PRKCB: variants seen among roughly 807,000 people sequenced by gnomAD.
The protein encoded by PRKCB is protein kinase C beta type.
PRKCB carries 13 observed loss-of-function variants against 81.5 expected under a neutral mutation model. That is an observed-to-expected ratio of 0.16 (90% CI 0.10 to 0.25). PRKCB has a LOEUF of 0.25. Among genes scored for constraint, PRKCB ranks in the 10% least tolerant of loss-of-function variants. The pLI is 1.00. For missense variants in PRKCB, 509 were observed against 875.7 expected (o/e 0.58, Z 5.29); for synonymous variants, 335 against 321.4 (o/e 1.04, Z -0.45).
chr16:23,856,935 T>C (rs1035394945), intron 2 of PRKCB, among the ~76,000 whole-genome samples: 1 of 152,108 alleles, frequency 6.6e-6, no homozygotes, highest in African/African-American at 2.4e-5. Flanking sequence ...AATATCACTG[T>C]GAAATATATA....
intron 2 of PRKCB, among the ~76,000 whole-genome samples, chr16:23,913,264 A>G (rs1963689380): frequency 6.6e-6 from 1 of 152,004 alleles, no homozygotes; most frequent in African/African-American, 2.4e-5. Context: ...GGGAGACCCA[A>G]CTGTCTTCCA....
chr16:23,946,348 C>A (rs979852327), intron 2 of PRKCB, among the ~76,000 whole-genome samples: 1 of 152,096 alleles, frequency 6.6e-6, no homozygotes, highest in Admixed American at 6.5e-5. Context: ...CACCAGGTAC[C>A]CTGAAGTGGT....
chr16:24,094,280 A>G lies in PRKCB; in HGVS notation c.804A>G (p.Lys268=). Residue 268 remains lysine, a synonymous_variant, in exon 7 of 17, where the codon AAA becomes AAG. Transcript: ENST00000643927. ...SLSFGISELQ[K]ASVDGWFKLL... Reference sequence around the variant, plus strand: ...CCTTTGGGATTTCTGAACTTCAGAAAGCCAGTGTTGATGGCTGGTAAGTAA... The same window carrying G: ...CCTTTGGGATTTCTGAACTTCAGAAGGCCAGTGTTGATGGCTGGTAAGTAA... The G allele has an allele frequency of 1.9e-6, 3 of 1,614,200 alleles. No homozygotes were observed. Among genetic ancestry groups the G allele is most frequent in the Non-Finnish European group, 2.5e-6 (3 of 1,180,018 alleles).
At chr16:23,892,259 G>T (rs1216067745) in intron 2 of PRKCB, among the ~76,000 whole-genome samples, 1 of 152,094 alleles carries the variant, frequency 6.6e-6, no homozygotes, top group Admixed American at 6.6e-5. Context: ...GTCTCAATTA[G>T]AATGTTATGA....
In PRKCB at chr16:24,216,111, C is replaced by T. The variant is rs1049590106; in HGVS notation, c.*1295C>T. 11 of 985,194 alleles carry T rather than the reference C, an allele frequency of 1.1e-5. No homozygotes were observed. Among genetic ancestry groups the T allele is most frequent in the Admixed American group, 6.2e-5 (1 of 16,242 alleles). 61.0% of individuals were successfully genotyped at this position (985,194 alleles called of 1,614,324 possible). A position where few individuals can be genotyped will look rare whatever the true frequency, so the allele number is the denominator to read the frequency against. On this transcript the variant is annotated 3_prime_UTR_variant, in exon 17 of 17. Coordinates refer to ENST00000643927, the MANE Select transcript of PRKCB (RefSeq NM_002738.7). Reference sequence around the variant, plus strand: ...GAACTCAGGAGAAAGGAACTAACTGCGGAGCTTTAATCTTGGCCCCAGTGT... The same window carrying T: ...GAACTCAGGAGAAAGGAACTAACTGTGGAGCTTTAATCTTGGCCCCAGTGT...
At chr16:23,934,015 A>G (rs974891080) in intron 2 of PRKCB, among the ~76,000 whole-genome samples, 2 of 105,998 alleles carry the variant, frequency 1.9e-5, no homozygotes, top group Admixed American at 1.2e-4. Flanking sequence ...TTGATTTTCT[A>G]CCCACTCATC....
Position 23,904,695 on chromosome 16 carries a change from CA to C in PRKCB, c.205+67291del, listed in dbSNP as rs1310435085. On this transcript the variant is annotated intron_variant, in intron 2 of 16. Transcript: ENST00000643927. ...CAACAACAACAACAACAAAAAACCACAACACTTAGAAGAGTATCTAGCATAT... is the reference window on the plus strand; with the variant it reads ...CAACAACAACAACAACAAAAAACCACACACTTAGAAGAGTATCTAGCATAT... Among the ~76,000 whole-genome samples the C allele has an allele frequency of 2.0e-5, 3 of 152,144 alleles. No homozygotes were observed. The East Asian group carries it at 5.8e-4, about 29-fold the overall frequency.
intron 16 of PRKCB, among the ~76,000 whole-genome samples, chr16:24,200,427 C>T (rs1967940335): frequency 1.3e-5 from 2 of 152,154 alleles, no homozygotes; most frequent in African/African-American, 4.8e-5. Flanking sequence ...AACCAGGCTC[C>T]CTTTAGATGG....
intron 2 of PRKCB, among the ~76,000 whole-genome samples, chr16:23,888,087 A>G (rs1006156001): frequency 6.6e-6 from 1 of 152,222 alleles, no homozygotes; most frequent in Non-Finnish European, 1.5e-5. Flanking sequence ...TAGCGCATCA[A>G]GTCCCCTTCT....
intron 3 of PRKCB, among the ~76,000 whole-genome samples, chr16:23,993,164 G>T (rs1964910858): frequency 6.6e-6 from 1 of 152,080 alleles, no homozygotes; most frequent in African/African-American, 2.4e-5. Flanking sequence ...TACCCCAAAA[G>T]AACTATTTGA....
At chr16:23,874,518 C>T (rs1384400616) in intron 2 of PRKCB, among the ~76,000 whole-genome samples, 1 of 149,886 alleles carries the variant, frequency 6.7e-6, no homozygotes, top group Non-Finnish European at 1.5e-5. Flanking sequence ...TTGAAACATA[C>T]TTATTTTTTG....
chr16:23,974,883 G>C (rs1306762173), intron 2 of PRKCB, among the ~76,000 whole-genome samples: 1 of 152,184 alleles, frequency 6.6e-6, no homozygotes, highest in Non-Finnish European at 1.5e-5. Context: ...GGAGGAATCA[G>C]CTCCAGCTGT....
At chr16:23,950,138 T>TG (rs1964259043) in intron 2 of PRKCB, among the ~76,000 whole-genome samples, 3 of 141,934 alleles carry the variant, frequency 2.1e-5, no homozygotes, top group East Asian at 2.1e-4. Context: ...TTGAATTTTT[T>TG]TTTTTTTTTT....
chr16:24,011,259 T>C (rs1254751716), intron 3 of PRKCB, among the ~76,000 whole-genome samples: 1 of 152,204 alleles, frequency 6.6e-6, no homozygotes, highest in Non-Finnish European at 1.5e-5. Flanking sequence ...TTTCTATCTA[T>C]TGAAAAGCAT....
At chr16:23,943,939 C>T (rs768683350) in intron 2 of PRKCB, among the ~76,000 whole-genome samples, 4 of 152,186 alleles carry the variant, frequency 2.6e-5, no homozygotes, top group African/African-American at 9.7e-5. Context: ...CTTTGCCTCG[C>T]GTGCTCCTGG....
At chr16:24,010,916 G>C (rs1352082676) in intron 3 of PRKCB, among the ~76,000 whole-genome samples, 1 of 152,004 alleles carries the variant, frequency 6.6e-6, no homozygotes, top group Non-Finnish European at 1.5e-5. Flanking sequence ...TTGCCTACGA[G>C]TGCAATGGTA....
chr16:23,909,539 A>T (rs1396590429), intron 2 of PRKCB, among the ~76,000 whole-genome samples: 1 of 152,184 alleles, frequency 6.6e-6, no homozygotes, highest in Non-Finnish European at 1.5e-5. Flanking sequence ...ATGGTGGTGA[A>T]GTCTGAGCTT....
intron 5 of PRKCB, among the ~76,000 whole-genome samples, chr16:24,073,683 CTAAGCCA>C (rs1199806442): frequency 3.9e-5 from 6 of 152,184 alleles, no homozygotes; most frequent in Non-Finnish European, 8.8e-5. Context: ...CCCCTAGCCC[CTAAGCCA>C]TGTTTTTAAC....
intron 2 of PRKCB, among the ~76,000 whole-genome samples, chr16:23,963,980 A>G (rs1964456597): frequency 6.6e-6 from 1 of 152,184 alleles, no homozygotes; most frequent in African/African-American, 2.4e-5. Flanking sequence ...GGTGTCTACC[A>G]TGGACAGTAG....
Sources: allele counts gnomAD v4.1 joint callset (sites outside exome capture counted in the v4.1 genomes callset), GRCh38; gene constraint gnomAD v4.1.1; transcripts MANE v1.5; gene names NCBI Gene and HGNC (gene_info 2026-07-23, HGNC 2026-07-21).